The following FARS2 variants were observed in gnomAD, a reference collection of about 807,000 sequenced individuals.
FARS2 encodes phenylalanine--tRNA ligase, mitochondrial.
A neutral mutation model predicts 46.4 loss-of-function variants in FARS2; 40 were observed. That is an observed-to-expected ratio of 0.86 (90% CI 0.67 to 1.12). The LOEUF (loss-of-function observed/expected upper bound fraction) is 1.12. FARS2 is among the 50% of genes most tolerant of loss of function. The pLI is 0.00. For synonymous variants in FARS2, 234 were observed against 214.9 expected (o/e 1.09, Z -0.78); for missense variants, 513 against 567.9 (o/e 0.90, Z 0.98).
chr6:5,442,663 T>C (rs1333796160), intron 4 of FARS2, among the ~76,000 whole-genome samples: 1 of 152,320 alleles, frequency 6.6e-6, no homozygotes, highest in East Asian at 1.9e-4. Context: ...CTCTCTTTCC[T>C]AGTGTTCTGT....
At chr6:5,707,021 C>T (rs527302987) in intron 6 of FARS2, among the ~76,000 whole-genome samples, 84 of 152,320 alleles carry the variant, frequency 5.5e-4, no homozygotes, top group Non-Finnish European at 1.1e-3. Context: ...AGCAGAGGCA[C>T]GATCAGCACA....
At chr6:5,349,514 C>T (rs1247012079) in intron 1 of FARS2, among the ~76,000 whole-genome samples, 3 of 152,012 alleles carry the variant, frequency 2.0e-5, no homozygotes, top group African/African-American at 7.3e-5. Context: ...AACTTTCAAC[C>T]CTTGAGTACT....
chr6:5,352,566 A>G (rs1471758523), intron 1 of FARS2, among the ~76,000 whole-genome samples: 2 of 151,450 alleles, frequency 1.3e-5, no homozygotes, highest in Non-Finnish European at 2.9e-5. Context: ...TCCAGTCAGC[A>G]CTGCCTCTGC....
chr6:5,614,701 CTTCT>C (rs906857306), intron 6 of FARS2, among the ~76,000 whole-genome samples: 15 of 152,164 alleles, frequency 9.9e-5, no homozygotes, highest in Non-Finnish European at 2.1e-4. Context: ...GCTGGGCTGC[CTTCT>C]TTGTCTTTTA....
upstream of FARS2, among the ~76,000 whole-genome samples, chr6:5,259,820 C>A (rs895790491): frequency 2.6e-5 from 4 of 151,740 alleles, no homozygotes; most frequent in African/African-American, 4.8e-5. Context: ...AAACAAAAAA[C>A]AAATCTAAAA....
chr6:5,630,327 G>A lies in FARS2; in HGVS notation c.1217+17007G>A, dbSNP rs914572160. Among the ~76,000 whole-genome samples the A allele has an allele frequency of 4.6e-5, 7 of 152,122 alleles. No homozygotes were observed. The highest frequency in any genetic ancestry group is 6.5e-5 in the Admixed American group (1 of 15,278). On this transcript the variant is annotated intron_variant, in intron 6 of 6. Coordinates refer to ENST00000274680, the MANE Select transcript of FARS2 (RefSeq NM_006567.5). The surrounding 1 kb of genome is among the most constrained non-coding windows in gnomAD (Gnocchi z 4.2). ...ACTGTAGTGTCATCAGAAAACAAGC[G>A]CAGACCACATGGATTTGACAATGAG... is the stretch of plus-strand genomic sequence containing the variant.
intron 1 of FARS2, among the ~76,000 whole-genome samples, chr6:5,333,331 G>A (rs1415143232): frequency 1.3e-5 from 2 of 152,146 alleles, no homozygotes; most frequent in Admixed American, 6.6e-5. Flanking sequence ...AGGACATCGT[G>A]ATTTTTTAAG....
intron 6 of FARS2, among the ~76,000 whole-genome samples, chr6:5,690,764 G>A (rs1412775737): frequency 1.3e-5 from 2 of 152,218 alleles, no homozygotes; most frequent in African/African-American, 4.8e-5. Context: ...GATTGGAGAA[G>A]TTCTCCTGGA....
chr6:5,289,733 G>A (rs1581701332), intron 1 of FARS2, among the ~76,000 whole-genome samples: 1 of 152,222 alleles, frequency 6.6e-6, no homozygotes, highest in East Asian at 1.9e-4. Context: ...TGACCAGTCT[G>A]ATTTGTTGCA....
intron 4 of FARS2, among the ~76,000 whole-genome samples, chr6:5,481,422 C>T (rs1314757645): frequency 6.6e-6 from 1 of 152,212 alleles, no homozygotes; most frequent in African/African-American, 2.4e-5. Context: ...GTCCATTGGA[C>T]ACAGGGCAAG....
At position 5,698,225 on chromosome 6, in the gene FARS2, G is replaced by A. The variant is rs528647084; in HGVS notation, c.1218-73066G>A. Among the ~76,000 whole-genome samples the A allele has an allele frequency of 7.2e-5, 11 of 152,322 alleles. No homozygotes were observed. In the South Asian group the frequency reaches 2.3e-3, roughly 32 times the overall value. On this transcript the variant is annotated intron_variant, in intron 6 of 6. Coordinates refer to ENST00000274680, the MANE Select transcript of FARS2 (RefSeq NM_006567.5). ...GTTAGTTCTGCAGGCTGTACAGGAA[G>A]TATCATGCTGGCATATGCTCAGCTT...
At chr6:5,692,009 G>C (rs768766889) in intron 6 of FARS2, among the ~76,000 whole-genome samples, 3 of 152,212 alleles carry the variant, frequency 2.0e-5, no homozygotes, top group Non-Finnish European at 4.4e-5. Flanking sequence ...ATAATCTCCT[G>C]GTGTGCTGTT....
chr6:5,413,173 A>G (rs1762034786), intron 3 of FARS2, among the ~76,000 whole-genome samples: 1 of 152,206 alleles, frequency 6.6e-6, no homozygotes, highest in Admixed American at 6.5e-5. Context: ...AAAGGTTGAG[A>G]TAGCAATAGT....
intron 1 of FARS2, among the ~76,000 whole-genome samples, chr6:5,273,553 C>T (rs1333432020): frequency 6.6e-6 from 1 of 151,764 alleles, no homozygotes; most frequent in Non-Finnish European, 1.5e-5. Context: ...ATTATATATT[C>T]TGGTTATTAA....
At chr6:5,680,789 C>T (rs1018435975) in intron 6 of FARS2, among the ~76,000 whole-genome samples, 4 of 149,434 alleles carry the variant, frequency 2.7e-5, no homozygotes, top group African/African-American at 9.9e-5. Context: ...GCTCCAACAA[C>T]CAGTGAAAAC....
At chr6:5,349,326 A>C (rs920699621) in intron 1 of FARS2, among the ~76,000 whole-genome samples, 5 of 152,240 alleles carry the variant, frequency 3.3e-5, no homozygotes, top group African/African-American at 1.2e-4. Flanking sequence ...TTTTTGCAAA[A>C]GCATCTAAAT....
At chr6:5,613,347 C>A (rs759630066) in intron 6 of FARS2, 27 bp downstream of exon 6, 12 of 1,599,004 alleles carry the variant, frequency 7.5e-6, no homozygotes, top group Non-Finnish European at 9.4e-6. Flanking sequence ...CTGATTTTAC[C>A]CTTGACTATC....
At chr6:5,723,168 G>A (rs1010895954) in intron 6 of FARS2, among the ~76,000 whole-genome samples, 4 of 152,130 alleles carry the variant, frequency 2.6e-5, no homozygotes, top group Admixed American at 6.5e-5. Flanking sequence ...GACAGGCCAC[G>A]AATGGGCCAC....
intron 4 of FARS2, among the ~76,000 whole-genome samples, chr6:5,463,999 C>T (rs566340914): frequency 2.2e-4 from 33 of 152,162 alleles, no homozygotes; most frequent in Non-Finnish European, 3.8e-4. Flanking sequence ...GTTCTAGTGT[C>T]GGGATTCATG....
Sources: gnomAD v4.1 joint callset for allele counts (sites outside exome capture counted in the v4.1 genomes callset) on GRCh38, gnomAD v4.1.1 for gene constraint, Gnocchi (gnomAD v3.1) non-coding constraint, MANE v1.5 for transcripts, NCBI Gene and HGNC (gene_info 2026-07-23, HGNC 2026-07-21) for gene names.